The following PTAR1 variants were observed in gnomAD, a reference collection of about 807,000 sequenced individuals.
PTAR1 encodes the protein protein prenyltransferase alpha subunit repeat-containing protein 1.
Under a neutral mutation model 45.5 loss-of-function variants are expected in PTAR1, and 17 were observed. The ratio of observed to expected loss-of-function variants is 0.37; its 90% CI spans 0.26 to 0.56. The LOEUF is 0.56. Among genes scored for constraint, PTAR1 ranks in the 20% least tolerant of loss-of-function variants. PTAR1 has a pLI of 0.77. For synonymous variants in PTAR1, 169 were observed against 171.3 expected, an observed-to-expected ratio of 0.99 and a Z score of 0.11; for missense variants, 391 against 476.3, an observed-to-expected ratio of 0.82 and a Z score of 1.67.
chr9:69,743,690 A>G (rs1252455319), intron 2 of PTAR1, among the ~76,000 whole-genome samples: 3 of 152,218 alleles, frequency 2.0e-5, no homozygotes, highest in African/African-American at 4.8e-5. Flanking sequence ...AAAAATAAAT[A>G]TAATATTCTA....
intron 6 of PTAR1, among the ~76,000 whole-genome samples, chr9:69,719,122 C>T (rs2112075): frequency 0.13 from 19,469 of 152,150 alleles, 1,753 homozygotes; most frequent in Admixed American, 0.18. Flanking sequence ...CCTTTAGAGG[C>T]TTAATCTGTG....
chr9:69,731,963 A>C, intron 5 of PTAR1, 176 bp downstream of exon 5: 81 of 576,910 alleles, frequency 1.4e-4, no homozygotes, highest in Non-Finnish European at 2.1e-4. Context: ...CTAGTGGGGA[A>C]TGCAAGCTTT....
At chr9:69,740,615 T>C (rs1462191056) in intron 3 of PTAR1, among the ~76,000 whole-genome samples, 1 of 150,318 alleles carries the variant, frequency 6.7e-6, no homozygotes, top group Non-Finnish European at 1.5e-5. Context: ...ATGTCTATTA[T>C]GTACCGGCAC....
intron 3 of PTAR1, among the ~76,000 whole-genome samples, chr9:69,739,085 C>T (rs1338353673): frequency 6.6e-6 from 1 of 152,106 alleles, no homozygotes; most frequent in Non-Finnish European, 1.5e-5. Flanking sequence ...GGATTACAGG[C>T]GTGAGCCACC....
intron 1 of PTAR1, among the ~76,000 whole-genome samples, chr9:69,754,265 A>G (rs539685553): frequency 6.6e-6 from 1 of 152,234 alleles, no homozygotes; most frequent in African/African-American, 2.4e-5. Flanking sequence ...ACTGAGGTAC[A>G]GTGAGGTTTA....
chr9:69,746,494 G>A (rs761326003), intron 2 of PTAR1, among the ~76,000 whole-genome samples: 3 of 152,234 alleles, frequency 2.0e-5, no homozygotes, highest in South Asian at 4.1e-4. Context: ...TATAATCAAC[G>A]GTTGTAACTA....
intron 2 of PTAR1, 101 bp downstream of exon 2, chr9:69,750,680 G>T: frequency 1.2e-6 from 1 of 847,356 alleles, no homozygotes; most frequent in Non-Finnish European, 1.8e-6. Context: ...AGAAGAAGCA[G>T]AACTAGAATC....
intron 1 of PTAR1, among the ~76,000 whole-genome samples, chr9:69,755,418 T>C (rs1826729437): frequency 6.6e-6 from 1 of 152,144 alleles, no homozygotes; most frequent in Admixed American, 6.5e-5. Flanking sequence ...TTAGACAGCT[T>C]CTCTGTCTAT....
In PTAR1 at chr9:69,723,359, G is replaced by A; in HGVS notation, c.914C>T (p.Ser305Phe). ...EVEFSTDLID[S>F]YPGHETLWCH... ...CCAAAGGGTTTCATGTCCTGGGTAGGAATCAATAAGATCAGTGCTGAATTC... is the reference window on the plus strand; with the variant it reads ...CCAAAGGGTTTCATGTCCTGGGTAGAAATCAATAAGATCAGTGCTGAATTC... Residue 305 changes from serine to phenylalanine, a missense_variant, in exon 6 of 8, where the codon TCC (serine) becomes TTC (phenylalanine). Coordinates refer to ENST00000340434, the MANE Select transcript of PTAR1 (RefSeq NM_001099666.2). 6.2e-7 allele frequency: 1 copy of A among 1,613,820 alleles called. No homozygotes were observed. Among genetic ancestry groups the A allele is most frequent in the Non-Finnish European group, 8.5e-7 (1 of 1,179,786 alleles).
rs769772425 is a variant in PTAR1 at position 69,750,877 on chromosome 9, G to A, written c.160C>T (p.Leu54=). The part of the protein sequence containing the change: ...RSPIVLVENK[L]GVESWCVKFL... ...TTGACACACCAGCTCTCCACACCCAGTTTGTTTTCAACCAGGACTATGGGA... is the reference window on the plus strand; with the variant it reads ...TTGACACACCAGCTCTCCACACCCAATTTGTTTTCAACCAGGACTATGGGA... Residue 54 remains leucine (L), a synonymous_variant, in exon 2 of 8, where the codon CTG becomes TTG. Coordinates refer to ENST00000340434, the MANE Select transcript of PTAR1 (RefSeq NM_001099666.2). 2 of 1,610,180 alleles carry A rather than the reference G, an allele frequency of 1.2e-6. No individual in the cohort carries two copies. The highest frequency in any genetic ancestry group is 2.7e-5 in the African/African-American group (2 of 74,826).
At chr9:69,734,482 A>G (rs1174718363) in intron 3 of PTAR1, among the ~76,000 whole-genome samples, 1 of 152,138 alleles carries the variant, frequency 6.6e-6, no homozygotes, top group African/African-American at 2.4e-5. Context: ...TAACAAACTA[A>G]TAAGCAGAAA....
At chr9:69,751,135 A>C (rs1207046115) in intron 1 of PTAR1, among the ~76,000 whole-genome samples, 185 bp from the exon 2 acceptor site, 1 of 152,082 alleles carries the variant, frequency 6.6e-6, no homozygotes, top group African/African-American at 2.4e-5. Context: ...AGTATGCTGT[A>C]CTCTCTGTAG....
At chr9:69,731,172 T>G (rs908421591) in intron 5 of PTAR1, among the ~76,000 whole-genome samples, 1 of 152,000 alleles carries the variant, frequency 6.6e-6, no homozygotes, top group Non-Finnish European at 1.5e-5. Flanking sequence ...GTAAAAAGTC[T>G]CCCATTTGCC....
intron 5 of PTAR1, among the ~76,000 whole-genome samples, chr9:69,729,777 C>T (rs1045654686): frequency 3.3e-5 from 5 of 152,178 alleles, no homozygotes; most frequent in African/African-American, 1.2e-4. Context: ...TCTAATCATT[C>T]TACCATACTT....
In PTAR1 at chr9:69,718,649, C is replaced by T. The variant is rs747898965; in HGVS notation, c.982+1G>A. On this transcript the variant is annotated splice_donor_variant, in intron 7 of 7. Transcript: ENST00000340434. LOFTEE classifies it high-confidence loss of function. The stretch of plus-strand genomic sequence containing the variant: ...CTGGGTCATGCTGTGAGGAAACCTA[C>T]CATTTAAGTGATGCTGAAGGTAGAA... 7 of 1,600,682 alleles carry T rather than the reference C, an allele frequency of 4.4e-6. No individual in the cohort carries two copies. In the East Asian group the frequency reaches 1.3e-4, roughly 31 times the overall value.
chr9:69,728,564 C>T (rs1825390484), intron 5 of PTAR1, among the ~76,000 whole-genome samples: 1 of 151,976 alleles, frequency 6.6e-6, no homozygotes, highest in South Asian at 2.1e-4. Flanking sequence ...TTTGCATTTC[C>T]CTAATAGTAA....
rs1427289149 is a variant in PTAR1 at position 69,716,884 on chromosome 9, G to A, written c.*1458C>T. ...GAAGACACACCCCTGAAGTAAGAAA[G>A]GAAAGGTATACAAAAATGACACACA... is the stretch of plus-strand genomic sequence containing the variant. On this transcript the variant is annotated 3_prime_UTR_variant, in exon 8 of 8. Transcript: ENST00000340434. 1 of 151,988 alleles carries A rather than the reference G, an allele frequency of 6.6e-6. No individual in the cohort carries two copies. The highest frequency in any genetic ancestry group is 1.5e-5 in the Non-Finnish European group (1 of 67,990). 9.4% of individuals were successfully genotyped at this position (151,988 alleles called of 1,614,324 possible).
In PTAR1 at chr9:69,741,566, T is replaced by C; in HGVS notation, c.323+226A>G. ...TAAAAGCATGTATCAAACAGTATACTGTAACTCAACATGACAATTTATATT... is the reference window on the plus strand; with the variant it reads ...TAAAAGCATGTATCAAACAGTATACCGTAACTCAACATGACAATTTATATT... On this transcript the variant is annotated intron_variant, in intron 3 of 7. Transcript: ENST00000340434. 3 of 531,176 alleles carry C rather than the reference T, an allele frequency of 5.6e-6. No homozygotes were observed. In the Middle Eastern group the frequency reaches 1.6e-3, roughly 276 times the overall value. The allele number at this position is 531,176 out of a possible 1,614,324, so 32.9% of individuals were successfully genotyped here. A position where few individuals can be genotyped will look rare whatever the true frequency, so the allele number is the denominator to read the frequency against.
At chr9:69,756,144 T>C (rs539352528) in intron 1 of PTAR1, among the ~76,000 whole-genome samples, 1 of 152,216 alleles carries the variant, frequency 6.6e-6, no homozygotes, top group Admixed American at 6.5e-5. Flanking sequence ...TATTCTTCAG[T>C]TCACCTTGCA....
Sources: gnomAD v4.1 joint callset for allele counts (sites outside exome capture counted in the v4.1 genomes callset) on GRCh38, gnomAD v4.1.1 for gene constraint, MANE v1.5 for transcripts, NCBI Gene and HGNC (gene_info 2026-07-23, HGNC 2026-07-21) for gene names.